The following DPP6 variants were observed in gnomAD, a reference collection of about 807,000 sequenced individuals.
The protein encoded by DPP6 is A-type potassium channel modulatory protein DPP6.
In DPP6, 69 loss-of-function variants were observed where a neutral mutation model predicts 122.6. That is an observed-to-expected ratio of 0.56 (90% CI 0.46 to 0.69). The LOEUF is 0.69. Among genes scored for constraint, DPP6 ranks in the 30% least tolerant of loss-of-function variants. DPP6 has a pLI of 0.00. For missense variants in DPP6, 928 were observed against 1,116.9 expected, an observed-to-expected ratio of 0.83 and a Z score of 2.41; for synonymous variants, 418 against 433.1, an observed-to-expected ratio of 0.97 and a Z score of 0.43.
At chr7:153,932,937 A>G (rs1028442931) in intron 1 of DPP6, among the ~76,000 whole-genome samples, 2 of 152,092 alleles carry the variant, frequency 1.3e-5, no homozygotes, top group South Asian at 2.1e-4. Flanking sequence ...GATTTTTCCC[A>G]TGCTATTCTT....
At chr7:153,879,324 A>G in the DPP6 span, among the ~76,000 whole-genome samples, 2 of 152,166 alleles carry the variant, frequency 1.3e-5, no homozygotes, top group African/African-American at 4.8e-5. Flanking sequence ...AGAGGGAGCT[A>G]TGCTTAAAAT....
chr7:154,047,677 T>C (rs1800092061), upstream of DPP6, among the ~76,000 whole-genome samples: 2 of 152,150 alleles, frequency 1.3e-5, no homozygotes, highest in South Asian at 2.1e-4. Flanking sequence ...TCTGAGGCAA[T>C]GTTGGTAGCA....
At chr7:154,026,150 G>A (rs987842974) in intron 1 of DPP6, 2 of 151,896 alleles carry the variant, frequency 1.3e-5, no homozygotes, top group African/African-American at 4.8e-5. Context: ...GGTGCCACAT[G>A]CCTGCATGAC....
chr7:154,615,404 A>G (rs1295861148), intron 5 of DPP6, among the ~76,000 whole-genome samples: 2 of 152,358 alleles, frequency 1.3e-5, no homozygotes, highest in East Asian at 3.9e-4. Context: ...TATTCACCGT[A>G]CAATACTTTC....
At chr7:153,851,035 A>C in the DPP6 span, among the ~76,000 whole-genome samples, 1 of 152,260 alleles carries the variant, frequency 6.6e-6, no homozygotes, top group African/African-American at 2.4e-5. Context: ...TAATGGTTTG[A>C]AGGTTATTTA....
chr7:153,855,709 A>G, the DPP6 span, among the ~76,000 whole-genome samples: 2 of 152,142 alleles, frequency 1.3e-5, no homozygotes, highest in Non-Finnish European at 1.5e-5. Context: ...TCAGCCAGAC[A>G]TTGGACAACT....
chr7:154,063,753 G>A (rs932970625), intron 1 of DPP6, among the ~76,000 whole-genome samples: 10 of 151,046 alleles, frequency 6.6e-5, no homozygotes, highest in Non-Finnish European at 8.8e-5. Flanking sequence ...GACCCCCGTC[G>A]TGGATCCTCA....
intron 1 of DPP6, among the ~76,000 whole-genome samples, chr7:154,346,130 C>T (rs1810375486): frequency 6.6e-6 from 1 of 152,134 alleles, no homozygotes; most frequent in Non-Finnish European, 1.5e-5. Context: ...ACCAGCCCCT[C>T]TGAATTTTCC....
At chr7:153,869,161 A>C in the DPP6 span, among the ~76,000 whole-genome samples, 17 of 152,294 alleles carry the variant, frequency 1.1e-4, no homozygotes, top group African/African-American at 4.1e-4. Flanking sequence ...GTAGATGTCT[A>C]TTAGGTCCGC....
chr7:153,919,750 CCT>C (rs1373113675), intron 1 of DPP6, among the ~76,000 whole-genome samples: 1 of 152,126 alleles, frequency 6.6e-6, no homozygotes, highest in Non-Finnish European at 1.5e-5. Context: ...AAAGCTTCGG[CCT>C]CTGTTTCATG....
intron 1 of DPP6, among the ~76,000 whole-genome samples, chr7:153,943,678 G>T (rs1801802066): frequency 6.6e-6 from 1 of 152,116 alleles, no homozygotes; most frequent in Non-Finnish European, 1.5e-5. Flanking sequence ...CTCCAGCCGT[G>T]GTGTGAATGA....
rs1812587300 is a variant in DPP6, at chr7:154,370,787, C to T, written c.244-75427C>T. The stretch of plus-strand genomic sequence containing the variant: ...CTGATAGAATACTTGCATATTTTTA[C>T]TGATGATGTTTCACCTATACTTAAT... On this transcript the variant is annotated intron_variant, in intron 1 of 25. Coordinates refer to ENST00000377770, the MANE Select transcript of DPP6 (RefSeq NM_130797.4). Among the ~76,000 whole-genome samples, 4 of 152,300 alleles carry T rather than the reference C, an allele frequency of 2.6e-5. No homozygotes were observed. The Middle Eastern group carries it at 0.014, about 518-fold the overall frequency.
At chr7:154,498,613 C>T (rs997945654) in intron 3 of DPP6, among the ~76,000 whole-genome samples, 1 of 152,208 alleles carries the variant, frequency 6.6e-6, no homozygotes, top group African/African-American at 2.4e-5. Flanking sequence ...GCTGAGATTA[C>T]AGGCGTGAGC....
At position 154,885,781 on chromosome 7, in the gene DPP6, T is replaced by TCCCGC. The variant is rs756708861; in HGVS notation, c.2245+51_2245+55dup. The TCCCGC allele has an allele frequency of 5.1e-4, 789 of 1,549,066 alleles. 2 individuals carry two copies. Among genetic ancestry groups the TCCCGC allele is most frequent in the African/African-American group, 7.8e-4 (57 of 73,184 alleles). On this transcript the variant is annotated intron_variant, in intron 22 of 25. Transcript: ENST00000377770. ...TGCAGGACCAAGCGACGGGCTCTGC[T>TCCCGC]CCCGCCCCGCCCCGCCCCCTGCCTG...
rs140795629 is a variant in DPP6, at chr7:154,336,100, C to T, written c.244-110114C>T. On this transcript the variant is annotated intron_variant, in intron 1 of 25. Coordinates refer to ENST00000377770, the MANE Select transcript of DPP6 (RefSeq NM_130797.4). ...TAGAAATCCATATTAGAACACAGGGCGTCAGTCACTTTCCTGAGCCTGCAT... is the reference window on the plus strand; with the variant it reads ...TAGAAATCCATATTAGAACACAGGGTGTCAGTCACTTTCCTGAGCCTGCAT... Among the ~76,000 whole-genome samples the T allele has an allele frequency of 6.1e-4, 93 of 152,068 alleles. 1 individual carries two copies. Among genetic ancestry groups the T allele is most frequent in the African/African-American group, 2.0e-3 (85 of 41,506 alleles).
chr7:153,819,838 T>C, the DPP6 span, among the ~76,000 whole-genome samples: 1 of 152,210 alleles, frequency 6.6e-6, no homozygotes, highest in Non-Finnish European at 1.5e-5. Flanking sequence ...CAGTATTTGT[T>C]TCAGGAATAT....
At chr7:154,658,505 G>C (rs1837413556) in intron 6 of DPP6, among the ~76,000 whole-genome samples, 1 of 152,198 alleles carries the variant, frequency 6.6e-6, no homozygotes, top group Admixed American at 6.5e-5. Context: ...AGACTGAGAG[G>C]AGGGAGGAGC....
intron 7 of DPP6, among the ~76,000 whole-genome samples, chr7:154,702,236 A>T (rs1469779985): frequency 6.6e-6 from 1 of 152,208 alleles, no homozygotes; most frequent in Non-Finnish European, 1.5e-5. Context: ...GGGCCTCCCT[A>T]TTCCTTGACA....
intron 1 of DPP6, among the ~76,000 whole-genome samples, chr7:153,974,799 G>A (rs370708258): frequency 1.5e-3 from 234 of 152,286 alleles, no homozygotes; most frequent in African/African-American, 5.3e-3. Context: ...GCAGTCAGCT[G>A]TTTACTTTGC....
Sources: gnomAD v4.1 joint callset for allele counts (sites outside exome capture counted in the v4.1 genomes callset) on GRCh38, gnomAD v4.1.1 for gene constraint, MANE v1.5 for transcripts, NCBI Gene and HGNC (gene_info 2026-07-23, HGNC 2026-07-21) for gene names.